Variants in GRID2 observed in about 807,000 individuals in gnomAD.
GRID2 encodes the protein glutamate ionotropic receptor delta type subunit 2.
Under a neutral mutation model 114.8 loss-of-function variants are expected in GRID2, and 33 were observed. The observed-to-expected ratio is 0.29, with a 90% CI of 0.22 to 0.38. The LOEUF (loss-of-function observed/expected upper bound fraction) is 0.38. Ranked by LOEUF, GRID2 falls within the 10% of genes least tolerant of loss-of-function variation. GRID2 has a pLI of 1.00. For missense variants in GRID2, 1,184 were observed against 1,257.7 expected (o/e 0.94, Z 0.89); for synonymous variants, 505 against 449.9 (o/e 1.12, Z -1.55).
At chr4:93,740,324 C>T (rs6829522) in intron 14 of GRID2, among the ~76,000 whole-genome samples, 13,711 of 152,110 alleles carry the variant, frequency 0.09, 1,410 homozygotes, top group African/African-American at 0.25. Flanking sequence ...AACATATCTC[C>T]GCCAAGCAAC....
intron 1 of GRID2, 50 bp downstream of exon 1, chr4:92,304,794 C>G (rs1725289942): frequency 1.5e-6 from 2 of 1,301,342 alleles, no homozygotes; most frequent in Non-Finnish European, 2.2e-6. Flanking sequence ...TTTCAGTTCT[C>G]AAATGTTTCC....
chr4:93,604,052 T>C (rs973204641), intron 13 of GRID2, among the ~76,000 whole-genome samples: 8 of 152,326 alleles, frequency 5.3e-5, no homozygotes, highest in Admixed American at 3.9e-4. Flanking sequence ...TTAAATCTTA[T>C]TATTTGAGAA....
intron 1 of GRID2, among the ~76,000 whole-genome samples, chr4:92,462,354 G>A (rs1019796051): frequency 2.0e-5 from 3 of 151,970 alleles, no homozygotes; most frequent in African/African-American, 4.8e-5. Flanking sequence ...GGGGAAATAA[G>A]TAAATAGTAG....
chr4:92,325,034 A>G (rs1369458081), intron 1 of GRID2, among the ~76,000 whole-genome samples: 1 of 151,870 alleles, frequency 6.6e-6, no homozygotes, highest in Admixed American at 6.6e-5. Context: ...TGCATGCACA[A>G]CTGAGCATGC....
At chr4:92,629,356 T>C (rs1008844186) in intron 2 of GRID2, among the ~76,000 whole-genome samples, 2 of 152,118 alleles carry the variant, frequency 1.3e-5, no homozygotes, top group Non-Finnish European at 2.9e-5. Context: ...CATCTTAGTA[T>C]GGACACCATA....
chr4:93,430,977 A>T (rs913546507), intron 10 of GRID2, among the ~76,000 whole-genome samples: 2 of 152,234 alleles, frequency 1.3e-5, no homozygotes, highest in Non-Finnish European at 2.9e-5. Flanking sequence ...CAGCTCTCCA[A>T]GCAAAAAGTG....
chr4:92,963,553 G>A (rs1256902368), intron 2 of GRID2, among the ~76,000 whole-genome samples: 2 of 151,744 alleles, frequency 1.3e-5, no homozygotes, highest in African/African-American at 2.4e-5. Context: ...ACATCTTCAG[G>A]CTCTACTTCT....
downstream of GRID2, among the ~76,000 whole-genome samples, chr4:93,778,825 G>A (rs1021855137): frequency 6.6e-6 from 1 of 152,088 alleles, no homozygotes; most frequent in African/African-American, 2.4e-5. Flanking sequence ...CATGATGTAT[G>A]TGATACAAAA....
At chr4:92,653,836 T>C (rs1560513429) in intron 2 of GRID2, among the ~76,000 whole-genome samples, 1 of 152,132 alleles carries the variant, frequency 6.6e-6, no homozygotes, top group Admixed American at 6.6e-5. Flanking sequence ...AGCTGCCCTT[T>C]GTAATATATT....
intron 1 of GRID2, among the ~76,000 whole-genome samples, chr4:92,379,343 T>A (rs1729507064): frequency 6.6e-6 from 1 of 152,010 alleles, no homozygotes; most frequent in South Asian, 2.1e-4. Flanking sequence ...GAGTTTGGGC[T>A]TTGTGTAATT....
In GRID2 at chr4:92,386,274, T is replaced by A. The variant is rs1031427074; in HGVS notation, c.88+81530T>A. On this transcript the variant is annotated intron_variant, in intron 1 of 15. Coordinates refer to ENST00000282020, the MANE Select transcript of GRID2 (RefSeq NM_001510.4). ...TAGATTTTATCAGGAATGCATACTG[T>A]ATATTCACTCTCAGTTTATTCATGC... 5.3e-5 allele frequency among the ~76,000 whole-genome samples: 8 copies of A among 151,892 alleles called. No individual in the cohort carries two copies. The South Asian group carries it at 1.7e-3, about 31-fold the overall frequency.
intron 3 of GRID2, among the ~76,000 whole-genome samples, chr4:93,098,989 C>CTCTGTGTGTGTG (rs1553986877): frequency 5.8e-5 from 8 of 138,982 alleles, no homozygotes; most frequent in South Asian, 2.4e-4. Flanking sequence ...AGATCATTTC[C>CTCTGTGTGTGTG]TGTGTGTGTG....
rs182572724 is a variant in GRID2 at position 93,231,183 on chromosome 4, C to G, written c.1125+6408C>G. On this transcript the variant is annotated intron_variant, in intron 7 of 15. Coordinates refer to ENST00000282020, the MANE Select transcript of GRID2 (RefSeq NM_001510.4). ...TGCCATGTCATTGCAACACGAGTAG[C>G]CTGTTTTTATTTACAGAAGTGTACT... Among the ~76,000 whole-genome samples the G allele has an allele frequency of 4.9e-3, 747 of 151,934 alleles. 7 individuals carry two copies. The highest frequency in any genetic ancestry group is 0.017 in the African/African-American group (716 of 41,456).
chr4:92,974,930 G>C (rs1277589095), intron 2 of GRID2, among the ~76,000 whole-genome samples: 1 of 94,510 alleles, frequency 1.1e-5, no homozygotes, highest in South Asian at 3.0e-4. Context: ...GGCCGAGGCG[G>C]GCGGATCACA....
chr4:92,418,914 A>G (rs1424692016), intron 1 of GRID2, among the ~76,000 whole-genome samples: 1 of 152,072 alleles, frequency 6.6e-6, no homozygotes, highest in East Asian at 1.9e-4. Context: ...CTCTCCAGTG[A>G]AGATGGAAAA....
intron 8 of GRID2, among the ~76,000 whole-genome samples, chr4:93,245,664 CCTGGGTTGAAATTCTGCCT>C (rs1748126569): frequency 6.6e-6 from 1 of 152,138 alleles, no homozygotes; most frequent in Non-Finnish European, 1.5e-5. Flanking sequence ...GTTAGACATA[CCTGGGTTGAAATTCTGCCT>C]CTGTCACTTA....
chr4:93,677,991 G>C (rs1213437069), intron 14 of GRID2, among the ~76,000 whole-genome samples: 1 of 151,642 alleles, frequency 6.6e-6, no homozygotes, highest in African/African-American at 2.4e-5. Flanking sequence ...AGCTACAGGA[G>C]GAAATTCAAA....
chr4:92,407,964 T>C (rs896357560), intron 1 of GRID2, among the ~76,000 whole-genome samples: 2 of 152,198 alleles, frequency 1.3e-5, no homozygotes, highest in African/African-American at 4.8e-5. Context: ...AATTTTTGTG[T>C]TTGTTGAAGT....
At chr4:92,904,153 A>T (rs988929879) in intron 2 of GRID2, among the ~76,000 whole-genome samples, 4 of 151,626 alleles carry the variant, frequency 2.6e-5, no homozygotes, top group African/African-American at 9.7e-5. Context: ...AATTTAATAA[A>T]AGCATATTCA....
Sources: gnomAD v4.1 joint callset for allele counts (sites outside exome capture counted in the v4.1 genomes callset) on GRCh38, gnomAD v4.1.1 for gene constraint, MANE v1.5 for transcripts, NCBI Gene and HGNC (gene_info 2026-07-23, HGNC 2026-07-21) for gene names.